Variants in CA8 observed in about 807,000 individuals in gnomAD.
The protein encoded by CA8 is carbonic anhydrase-related protein.
A neutral mutation model predicts 41.4 loss-of-function variants in CA8; 22 were observed. The ratio of observed to expected loss-of-function variants is 0.53; its 90% CI spans 0.38 to 0.76. The LOEUF (loss-of-function observed/expected upper bound fraction) is 0.76, where lower values mean the gene tolerates loss of function less well. CA8 is among the 30% of genes least tolerant of loss of function. The probability of loss-of-function intolerance (pLI) is 0.00; values close to 1 mark genes in which losing one functional copy is unlikely to be tolerated. For missense variants in CA8, 270 were observed against 352.8 expected (o/e 0.77, Z 1.88); for synonymous variants, 121 against 130.6 (o/e 0.93, Z 0.50).
At chr8:60,260,892 T>G (rs1803712191) in intron 3 of CA8, among the ~76,000 whole-genome samples, 1 of 152,178 alleles carries the variant, frequency 6.6e-6, no homozygotes, top group Non-Finnish European at 1.5e-5. Flanking sequence ...TTAAATAACT[T>G]GAAAGGTTAT....
intron 3 of CA8, among the ~76,000 whole-genome samples, chr8:60,263,267 A>G (rs1182901485): frequency 1.3e-5 from 2 of 151,036 alleles, no homozygotes; most frequent in East Asian, 2.0e-4. Flanking sequence ...AGCTGCAGAG[A>G]GCCGAGACTG....
intron 8 of CA8, among the ~76,000 whole-genome samples, chr8:60,207,717 T>A (rs1358647359): frequency 6.6e-6 from 1 of 152,246 alleles, no homozygotes; most frequent in Non-Finnish European, 1.5e-5. Flanking sequence ...CCTCCGCATC[T>A]ATCACCCTGG....
At chr8:60,213,708 C>T (rs371658751) in intron 7 of CA8, among the ~76,000 whole-genome samples, 1 of 151,760 alleles carries the variant, frequency 6.6e-6, no homozygotes, top group Non-Finnish European at 1.5e-5. Flanking sequence ...GTATTTTGCA[C>T]GTATTGGGTT....
chr8:60,265,593 A>C, intron 3 of CA8: 1 of 303,328 alleles, frequency 3.3e-6, no homozygotes, highest in Non-Finnish European at 6.3e-6. Context: ...GCTTGTCTTC[A>C]GCTCGTCACC....
chr8:60,247,518 T>C (rs1175511282), intron 3 of CA8, among the ~76,000 whole-genome samples: 1 of 152,210 alleles, frequency 6.6e-6, no homozygotes, highest in Non-Finnish European at 1.5e-5. Context: ...TGGTTTTCTG[T>C]TCCTGTGTTA....
In CA8 at chr8:60,281,239, G is replaced by T; in HGVS notation, c.-92C>A. Reference sequence around the variant, plus strand: ...GGAGCCGGAGCGGAGCGCGCGTGGGGGAGTGTGAGCACGCGTGAGCGGCAG... The same window carrying T: ...GGAGCCGGAGCGGAGCGCGCGTGGGTGAGTGTGAGCACGCGTGAGCGGCAG... On this transcript the variant is annotated 5_prime_UTR_variant, in exon 1 of 9. Coordinates refer to ENST00000317995, the MANE Select transcript of CA8 (RefSeq NM_004056.6). The T allele has an allele frequency of 1.1e-6, 1 of 885,510 alleles. No homozygotes were observed. The highest frequency in any genetic ancestry group is 1.8e-6 in the Non-Finnish European group (1 of 557,264). The allele number at this position is 885,510 out of a possible 1,614,324, so 54.9% of individuals were successfully genotyped here.
intron 2 of CA8, among the ~76,000 whole-genome samples, chr8:60,279,392 C>T (rs1804337970): frequency 6.6e-6 from 1 of 152,142 alleles, no homozygotes; most frequent in Non-Finnish European, 1.5e-5. Context: ...ATTACTGCAC[C>T]TGCATGTACC....
intron 3 of CA8, among the ~76,000 whole-genome samples, chr8:60,258,341 A>T (rs13266513): frequency 6.6e-6 from 1 of 152,022 alleles, no homozygotes; most frequent in Non-Finnish European, 1.5e-5. Context: ...TCACAGATAC[A>T]TTTGTATAGG....
At chr8:60,217,161 G>A (rs1807049415) in intron 7 of CA8, among the ~76,000 whole-genome samples, 1 of 152,124 alleles carries the variant, frequency 6.6e-6, no homozygotes, top group Non-Finnish European at 1.5e-5. Flanking sequence ...TTGGATTACA[G>A]GCGTGAGCCA....
intron 3 of CA8, among the ~76,000 whole-genome samples, chr8:60,246,105 G>T (rs1808226221): frequency 6.6e-6 from 1 of 152,116 alleles, no homozygotes; most frequent in Admixed American, 6.5e-5. Flanking sequence ...CGACTTCCCA[G>T]CACTGCTCAT....
intron 8 of CA8, among the ~76,000 whole-genome samples, chr8:60,202,395 C>T (rs1302933294): frequency 1.3e-5 from 2 of 151,870 alleles, no homozygotes; most frequent in African/African-American, 2.4e-5. Context: ...AAGCAATGTC[C>T]ATCTTGAAGA....
At chr8:60,249,591 C>G (rs1362725973) in intron 3 of CA8, among the ~76,000 whole-genome samples, 1 of 152,128 alleles carries the variant, frequency 6.6e-6, no homozygotes, top group African/African-American at 2.4e-5. Context: ...AAAATTGTGT[C>G]TAACGATAAA....
chr8:60,197,755 T>C (rs1246586416), intron 8 of CA8, among the ~76,000 whole-genome samples: 3 of 152,148 alleles, frequency 2.0e-5, no homozygotes, highest in African/African-American at 7.2e-5. Flanking sequence ...ATGTGCTATA[T>C]ATGTGGAGAC....
In CA8 at chr8:60,185,693, T is replaced by C. The variant is rs531443176; in HGVS notation, c.*4328A>G. ...CAGAAACTTTTCACCAGGAGTTTTA[T>C]ATTTAGCAAAACTATCTCAAAGAAG... On this transcript the variant is annotated 3_prime_UTR_variant, in exon 9 of 9. Transcript: ENST00000317995. 3.9e-5 allele frequency among the ~76,000 whole-genome samples: 6 copies of C among 152,256 alleles called. No individual in the cohort carries two copies. Among genetic ancestry groups the C allele is most frequent in the African/African-American group, 1.4e-4 (6 of 41,568 alleles).
chr8:60,203,474 C>T lies in CA8; in HGVS notation c.*35+5276G>A, dbSNP rs1302680977. Among the ~76,000 whole-genome samples the T allele has an allele frequency of 2.6e-5, 4 of 152,158 alleles. 1 individual carries two copies. The highest frequency in any genetic ancestry group is 4.4e-5 in the Non-Finnish European group (3 of 67,994). ...AATCTGAATGAGGTAGACTTTTAGG[C>T]AAGTCTCTCAGTTTTTCCAATTGAA... is the stretch of plus-strand genomic sequence containing the variant. On this transcript the variant is annotated intron_variant, in intron 8 of 8. Transcript: ENST00000317995.
intron 8 of CA8, among the ~76,000 whole-genome samples, chr8:60,192,272 G>A (rs975111996): frequency 2.0e-5 from 3 of 152,108 alleles, no homozygotes; most frequent in African/African-American, 7.2e-5. Context: ...CCAAATCCCA[G>A]CTCTTCTATC....
At chr8:60,225,487 A>C (rs963692418) in intron 5 of CA8, among the ~76,000 whole-genome samples, 2 of 152,186 alleles carry the variant, frequency 1.3e-5, no homozygotes, top group African/African-American at 2.4e-5. Flanking sequence ...CAGTTGTACA[A>C]ATATAAGTCA....
chr8:60,209,647 T>C (rs367935456), intron 7 of CA8, among the ~76,000 whole-genome samples: 1 of 152,234 alleles, frequency 6.6e-6, no homozygotes, highest in East Asian at 1.9e-4. Flanking sequence ...ATCTTAGATT[T>C]ATCAGATAGA....
In CA8 at chr8:60,190,779, C is replaced by T. The variant is rs1319750538; in HGVS notation, c.*36-794G>A. Among the ~76,000 whole-genome samples the T allele has an allele frequency of 2.0e-5, 3 of 150,192 alleles. No homozygotes were observed. In the East Asian group the frequency reaches 5.8e-4, roughly 29 times the overall value. On this transcript the variant is annotated intron_variant, in intron 8 of 8. Transcript: ENST00000317995. ...ACTGCAAAAAGAAACTGGAAACAAACTAAATGGCCTCCTTCTGGGCAATGT... is the reference window on the plus strand; with the variant it reads ...ACTGCAAAAAGAAACTGGAAACAAATTAAATGGCCTCCTTCTGGGCAATGT...
Sources: gnomAD v4.1 joint callset for allele counts (sites outside exome capture counted in the v4.1 genomes callset) on GRCh38, gnomAD v4.1.1 for gene constraint, MANE v1.5 for transcripts, NCBI Gene and HGNC (gene_info 2026-07-23, HGNC 2026-07-21) for gene names.